The following FRAS1 variants were observed in gnomAD, a reference collection of about 807,000 sequenced individuals.
The protein encoded by FRAS1 is extracellular matrix organizing protein FRAS1.
A neutral mutation model predicts 435.2 loss-of-function variants in FRAS1; 290 were observed. That is an observed-to-expected ratio of 0.67 (90% CI 0.61 to 0.73). The LOEUF is 0.73. FRAS1 is among the 30% of genes least tolerant of loss of function. The pLI, the probability that FRAS1 is intolerant of heterozygous loss-of-function variation, is 0.00. For synonymous variants in FRAS1, 1,800 were observed against 1,851.0 expected (o/e 0.97, Z 0.71); for missense variants, 4,860 against 5,001.5 (o/e 0.97, Z 0.85).
intron 2 of FRAS1, among the ~76,000 whole-genome samples, chr4:78,136,361 A>G (rs747482901): frequency 9.9e-5 from 15 of 152,232 alleles, no homozygotes; most frequent in Non-Finnish European, 1.9e-4. Flanking sequence ...TGCTCTGTGC[A>G]TGTCCATCAA....
At position 78,542,934 on chromosome 4, in the gene FRAS1, C is replaced by T. The variant is rs1029985381; in HGVS notation, c.*1810C>T. ...CCGCTTTACAAAGGCATGACTCTGG[C>T]GGTGGTCCTAAGGAAGCATGAGCAG... On this transcript the variant is annotated 3_prime_UTR_variant, in exon 74 of 74. Coordinates refer to ENST00000512123, the MANE Select transcript of FRAS1 (RefSeq NM_025074.7). 1.2e-4 allele frequency: 19 copies of T among 152,102 alleles called. No individual in the cohort carries two copies. Among genetic ancestry groups the T allele is most frequent in the Non-Finnish European group, 1.5e-4 (10 of 68,020 alleles). The allele number at this position is 152,102 out of a possible 1,614,324, so 9.4% of individuals were successfully genotyped here. A position where few individuals can be genotyped will look rare whatever the true frequency, so the allele number is the denominator to read the frequency against.
chr4:78,137,728 A>G lies in FRAS1; in HGVS notation c.108+71712A>G, dbSNP rs544077468. Among the ~76,000 whole-genome samples the G allele has an allele frequency of 3.9e-5, 6 of 152,262 alleles. No individual in the cohort carries two copies. In the South Asian group the frequency reaches 1.2e-3, roughly 32 times the overall value. On this transcript the variant is annotated intron_variant, in intron 2 of 73. Coordinates refer to ENST00000512123, the MANE Select transcript of FRAS1 (RefSeq NM_025074.7). ...TGAATTTGGGTGTGTGTGTGTGGCAATGTGAGTCATGGTTAATAGTACGTG... is the reference window on the plus strand; with the variant it reads ...TGAATTTGGGTGTGTGTGTGTGGCAGTGTGAGTCATGGTTAATAGTACGTG...
At chr4:78,467,511 G>A (rs1047478923) in intron 50 of FRAS1, among the ~76,000 whole-genome samples, 7 of 152,108 alleles carry the variant, frequency 4.6e-5, no homozygotes, top group African/African-American at 1.7e-4. Context: ...CTTGGCTATT[G>A]TGAACAGTGC....
chr4:78,482,974 A>G (rs758760790), intron 58 of FRAS1, among the ~76,000 whole-genome samples: 3 of 152,256 alleles, frequency 2.0e-5, no homozygotes, highest in Non-Finnish European at 2.9e-5. Flanking sequence ...ATAGGAGTCT[A>G]TCTAATGCAT....
At chr4:78,245,852 T>C (rs1725216778) in intron 4 of FRAS1, among the ~76,000 whole-genome samples, 1 of 152,160 alleles carries the variant, frequency 6.6e-6, no homozygotes, top group African/African-American at 2.4e-5. Flanking sequence ...AGCTTTGTTG[T>C]GGGAGCTGTG....
chr4:78,318,839 G>A lies in FRAS1; in HGVS notation c.1990G>A (p.Gly664Ser). The A allele has an allele frequency of 6.2e-7, 1 of 1,604,250 alleles. No homozygotes were observed. The highest frequency in any genetic ancestry group is 1.7e-5 in the Admixed American group (1 of 58,616). ...TCACTCCTCCTGCCTGGCTTGTATG[G>A]GTCCCGCACCCTCTCACTGTACTGG... ...ACHSSCLACM[G>S]PAPSHCTGCK... The change falls in exon 18 of 74, where the codon GGT becomes AGT. Residue 664 changes from glycine to serine, a missense_variant. Coordinates refer to ENST00000512123, the MANE Select transcript of FRAS1 (RefSeq NM_025074.7).
rs1412568248 is a variant in FRAS1, at chr4:78,542,786, G to A, written c.*1662G>A. On this transcript the variant is annotated 3_prime_UTR_variant, in exon 74 of 74. Coordinates refer to ENST00000512123, the MANE Select transcript of FRAS1 (RefSeq NM_025074.7). ...TGAATGGTGTCATGGGTGAATGATG[G>A]GGAGTAAATTTAGGAAGGGGAAGTG... The A allele has an allele frequency of 6.6e-6, 1 of 152,464 alleles. No homozygotes were observed. Among genetic ancestry groups the A allele is most frequent in the Non-Finnish European group, 1.5e-5 (1 of 68,038 alleles). 9.4% of individuals were successfully genotyped at this position (152,464 alleles called of 1,614,324 possible).
At chr4:78,478,208 C>A (rs1200929625) in intron 55 of FRAS1, 147 bp downstream of exon 55, 13 of 887,692 alleles carry the variant, frequency 1.5e-5, no homozygotes, top group Non-Finnish European at 2.2e-5. Context: ...CCACAACAAC[C>A]CTGATGATGA....
intron 18 of FRAS1, among the ~76,000 whole-genome samples, chr4:78,322,485 C>T (rs962681686): frequency 2.6e-5 from 4 of 152,110 alleles, no homozygotes; most frequent in African/African-American, 9.7e-5. Flanking sequence ...CAACTGTTTT[C>T]TAGAACTCTC....
intron 47 of FRAS1, among the ~76,000 whole-genome samples, chr4:78,459,630 C>G (rs954682920): frequency 5.9e-5 from 9 of 152,220 alleles, no homozygotes; most frequent in African/African-American, 2.2e-4. Flanking sequence ...TCCCTGAGAG[C>G]AGAGGCATAT....
chr4:78,475,714 C>G (rs1719835145), intron 54 of FRAS1, 108 bp downstream of exon 54: 4 of 1,039,206 alleles, frequency 3.8e-6, no homozygotes, highest in Non-Finnish European at 5.4e-6. Context: ...TCACTGGTGT[C>G]CTTCTTCAAG....
chr4:78,518,490 A>G (rs1010919855), intron 66 of FRAS1, among the ~76,000 whole-genome samples: 5 of 148,856 alleles, frequency 3.4e-5, no homozygotes, highest in African/African-American at 1.2e-4. Flanking sequence ...AAGTATAAAA[A>G]TATTTTAAAA....
In FRAS1 at chr4:78,407,809, G is replaced by A. The variant is rs1478764111; in HGVS notation, c.4276G>A (p.Ala1426Thr). Residue 1426 changes from alanine (A) to threonine (T), a missense_variant, in exon 31 of 74, where the codon GCC becomes ACC. Transcript: ENST00000512123. ...EGIVWYRHSGAPAQSDSFRFE... is the reference protein window; with the variant it reads ...EGIVWYRHSGTPAQSDSFRFE... ...CATCGTATGGTACAGGCACTCAGGA[G>A]CCCCAGCCCAGAGCGACTCCTTCCG... 1 of 1,610,650 alleles carries A rather than the reference G, an allele frequency of 6.2e-7. No homozygotes were observed. Among genetic ancestry groups the A allele is most frequent in the East Asian group, 2.2e-5 (1 of 44,740 alleles).
At chr4:78,407,949 T>C (rs557191968) in intron 31 of FRAS1, 108 bp downstream of exon 31, 4 of 933,668 alleles carry the variant, frequency 4.3e-6, no homozygotes, top group Non-Finnish European at 6.2e-6. Flanking sequence ...GAAATCACAT[T>C]TGGGGGACGT....
At chr4:78,098,484 A>G (rs1449592731) in intron 2 of FRAS1, among the ~76,000 whole-genome samples, 2 of 152,062 alleles carry the variant, frequency 1.3e-5, no homozygotes, top group Non-Finnish European at 2.9e-5. Context: ...CATGTTGGCC[A>G]GGCTGGTCTT....
At chr4:78,469,389 G>A (rs1025098547) in intron 50 of FRAS1, among the ~76,000 whole-genome samples, 4 of 151,984 alleles carry the variant, frequency 2.6e-5, no homozygotes, top group Admixed American at 1.3e-4. Flanking sequence ...TTTCCTTTTC[G>A]CTATTACCAC....
chr4:78,307,984 G>A (rs1481682297), intron 14 of FRAS1, 82 bp from the exon 15 acceptor site: 2 of 1,378,766 alleles, frequency 1.5e-6, no homozygotes, highest in African/African-American at 1.5e-5. Context: ...TCCTCCTTGT[G>A]TATTCTAAAA....
At position 78,526,557 on chromosome 4, in the gene FRAS1, G is replaced by GAGT; in HGVS notation, c.10827_10829dup (p.Glu3609_Tyr3610insTer). The stretch of plus-strand genomic sequence containing the variant: ...TGTTTCCAGGAAGGACTACTCAGGA[G>GAGT]AGTACACCATCTACCTGATCCCTTG... On this transcript the variant is annotated stop_gained and inframe_insertion, in exon 70 of 74. Coordinates refer to ENST00000512123, the MANE Select transcript of FRAS1 (RefSeq NM_025074.7). LOFTEE classifies it high-confidence loss of function. 6.3e-7 allele frequency: 1 copy of GAGT among 1,596,264 alleles called. No homozygotes were observed. The highest frequency in any genetic ancestry group is 8.5e-7 in the Non-Finnish European group (1 of 1,171,074).
rs1342410265 is a variant in FRAS1, at chr4:78,308,070, C to A, written c.1539C>A (p.Cys513Ter). 1 of 1,604,018 alleles carries A rather than the reference C, an allele frequency of 6.2e-7. No individual in the cohort carries two copies. The highest frequency in any genetic ancestry group is 8.5e-7 in the Non-Finnish European group (1 of 1,173,712). ...GATTTTGCTATTCGTCTGCAGTCTG[C>A]CATGAGTCCTGTGCAGGTTGCTGGG... ...FYQDRHSCAV[C>*]HESCAGCWGP... The change falls in exon 15 of 74, where the codon TGC (cysteine) becomes TGA (stop). Residue 513 changes from cysteine (C) to a stop codon, truncating the protein, a stop_gained. Transcript: ENST00000512123. LOFTEE classifies it high-confidence loss of function.
Sources: allele counts gnomAD v4.1 joint callset (sites outside exome capture counted in the v4.1 genomes callset), GRCh38; gene constraint gnomAD v4.1.1; transcripts MANE v1.5; gene names NCBI Gene and HGNC (gene_info 2026-07-23, HGNC 2026-07-21).